The following XPOT variants were observed in gnomAD, a reference collection of about 807,000 sequenced individuals.
XPOT encodes exportin for tRNA, also known as exportin-T.
A neutral mutation model predicts 128.2 loss-of-function variants in XPOT; 34 were observed. That is an observed-to-expected ratio of 0.27 (90% CI 0.20 to 0.35). The LOEUF is 0.35. Among genes scored for constraint, XPOT ranks in the 10% least tolerant of loss-of-function variants. The pLI, the probability that XPOT is intolerant of heterozygous loss-of-function variation, is 1.00. For synonymous variants in XPOT, 348 were observed against 394.3 expected (o/e 0.88, Z 1.39); for missense variants, 838 against 1,125.3 (o/e 0.74, Z 3.65).
intron 8 of XPOT, among the ~76,000 whole-genome samples, chr12:64,420,729 T>G (rs1227734108): frequency 6.6e-6 from 1 of 152,232 alleles, no homozygotes; most frequent in Non-Finnish European, 1.5e-5. Context: ...CCTGAAAGCC[T>G]GTAATTGCAC....
chr12:64,426,464 C>G (rs2040193692), intron 15 of XPOT, among the ~76,000 whole-genome samples: 1 of 152,102 alleles, frequency 6.6e-6, no homozygotes, highest in Non-Finnish European at 1.5e-5. Context: ...GCCACATGTT[C>G]TCACTTATAA....
intron 3 of XPOT, among the ~76,000 whole-genome samples, chr12:64,416,393 A>G (rs1844422923): frequency 1.3e-5 from 2 of 152,246 alleles, no homozygotes; most frequent in African/African-American, 2.4e-5. Flanking sequence ...AGGAATCTTA[A>G]TATCTGGAAT....
At chr12:64,435,719 GTAT>G (rs1421347657) in intron 22 of XPOT, 45 bp downstream of exon 22, 6 of 1,534,776 alleles carry the variant, frequency 3.9e-6, no homozygotes, top group Admixed American at 4.0e-5. Flanking sequence ...CTCACATGTG[GTAT>G]TATTATCTTG....
At chr12:64,444,784 ATAAGTTT>A (rs1191515284) in intron 23 of XPOT, among the ~76,000 whole-genome samples, 1 of 152,112 alleles carries the variant, frequency 6.6e-6, no homozygotes, top group Non-Finnish European at 1.5e-5. Flanking sequence ...GGTTAAGGTG[ATAAGTTT>A]TAAGTGTTTT....
chr12:64,409,651 C>T (rs151227099), intron 1 of XPOT: 7 of 167,294 alleles, frequency 4.2e-5, no homozygotes, highest in African/African-American at 1.2e-4. Context: ...AGGAGAATGG[C>T]GTGAACCTGG....
In XPOT at chr12:64,410,061, T is replaced by C. The variant is rs1432397753; in HGVS notation, c.26T>C (p.Leu9Pro). Residue 9 changes from leucine (L) to proline (P), a missense_variant, in exon 2 of 25, where the codon CTA becomes CCA. Transcript: ENST00000332707. ...ATGGATGAACAGGCTCTATTAGGGC[T>C]AAATCCAAATGCTGATTCAGACTTT... is the stretch of plus-strand genomic sequence containing the variant. The part of the protein sequence containing the change: MDEQALLG[L>P]NPNADSDFRQ... 1.9e-6 allele frequency: 3 copies of C among 1,613,944 alleles called. No individual in the cohort carries two copies. The highest frequency in any genetic ancestry group is 1.7e-5 in the Admixed American group (1 of 60,022).
intron 16 of XPOT, among the ~76,000 whole-genome samples, 195 bp downstream of exon 16, chr12:64,428,315 A>T (rs1157058997): frequency 2.6e-5 from 4 of 152,188 alleles, no homozygotes; most frequent in Non-Finnish European, 4.4e-5. Context: ...GAGTTGACAG[A>T]TCAATTTGGC....
intron 24 of XPOT, among the ~76,000 whole-genome samples, chr12:64,445,762 G>A (rs947666203): frequency 6.6e-5 from 10 of 152,166 alleles, no homozygotes; most frequent in Non-Finnish European, 1.2e-4. Flanking sequence ...CCCATAAGGA[G>A]CTCATGATCT....
intron 23 of XPOT, among the ~76,000 whole-genome samples, chr12:64,442,123 ATCTTTTTCTT>A (rs1483277449): frequency 6.6e-6 from 1 of 151,326 alleles, no homozygotes; most frequent in African/African-American, 2.4e-5. Flanking sequence ...CAGAGTCGTC[ATCTTTTTCTT>A]TCTTTTTGAG....
chr12:64,435,653 G>T lies in XPOT; in HGVS notation c.2712G>T (p.Leu904=). The change falls in exon 22 of 25, where the codon CTG becomes CTT. Residue 904 remains leucine (L), a synonymous_variant. Transcript: ENST00000332707. ...CTTTATCTGAGTGTGCAGTGACACT[G>T]AAAACAATTCATCTCAAACGGGTAA... ...VLALSECAVT[L]KTIHLKRGPE... 6.3e-7 allele frequency: 1 copy of T among 1,599,874 alleles called. No individual in the cohort carries two copies. Among genetic ancestry groups the T allele is most frequent in the Non-Finnish European group, 8.5e-7 (1 of 1,171,542 alleles).
At chr12:64,422,390 A>G (rs981506199) in intron 9 of XPOT, among the ~76,000 whole-genome samples, 8 of 152,164 alleles carry the variant, frequency 5.3e-5, no homozygotes, top group African/African-American at 1.9e-4. Context: ...TATGATCACT[A>G]TTGGTAATTC....
rs13377663 is a variant in XPOT, at chr12:64,425,687, C to T, written c.1573-128C>T. ...TGTTTGTGTGTAGTTTAGAATTACT[C>T]GTATATTCCTAGTCCCTGCCTTTTA... is the stretch of plus-strand genomic sequence containing the variant. On this transcript the variant is annotated intron_variant, in intron 14 of 24. Coordinates refer to ENST00000332707, the MANE Select transcript of XPOT (RefSeq NM_007235.6). 4.3e-4 allele frequency: 438 copies of T among 1,014,442 alleles called. 8 individuals are homozygous for T. The South Asian group carries it at 5.7e-3, about 13-fold the overall frequency. 62.8% of individuals were successfully genotyped at this position (1,014,442 alleles called of 1,614,324 possible).
At chr12:64,439,219 G>A (rs779609879) in intron 22 of XPOT, 25 bp from the exon 23 acceptor site, 9 of 1,606,180 alleles carry the variant, frequency 5.6e-6, no homozygotes, top group Non-Finnish European at 7.7e-6. Context: ...CAAGAAAATA[G>A]TTGTAAGTAT....
chr12:64,439,406 T>C (rs1275197662), intron 23 of XPOT, 91 bp downstream of exon 23: 16 of 1,175,266 alleles, frequency 1.4e-5, no homozygotes, highest in Non-Finnish European at 2.0e-5. Flanking sequence ...ATCAAAAATA[T>C]TTTCATATTA....
rs1028822166 is a variant in XPOT, at chr12:64,408,406, C to A, written c.-74-1556C>A. 1.9e-4 allele frequency among the ~76,000 whole-genome samples: 29 copies of A among 152,108 alleles called. 1 individual carries two copies. The highest frequency in any genetic ancestry group is 6.5e-5 in the Admixed American group (1 of 15,274). ...TACAGGCATGAGCCAGCACGCCTGG[C>A]CCCCCACAGCGTTTAATGGAAGTAG... On this transcript the variant is annotated intron_variant, in intron 1 of 24. Coordinates refer to ENST00000332707, the MANE Select transcript of XPOT (RefSeq NM_007235.6).
chr12:64,411,985 C>T lies in XPOT; in HGVS notation c.60+1890C>T, dbSNP rs115414034. 5.3e-3 allele frequency among the ~76,000 whole-genome samples: 794 copies of T among 150,850 alleles called. 10 individuals are homozygous for T. Among genetic ancestry groups the T allele is most frequent in the African/African-American group, 0.018 (722 of 41,170 alleles). ...TTTGTTTAAAAACTAAAAACTTCCA[C>T]GTTATCTCTCCTCTCCTTCCTCTCA... is the stretch of plus-strand genomic sequence containing the variant. On this transcript the variant is annotated intron_variant, in intron 2 of 24. Coordinates refer to ENST00000332707, the MANE Select transcript of XPOT (RefSeq NM_007235.6).
chr12:64,418,863 C>G lies in XPOT; in HGVS notation c.271-13C>G, dbSNP rs1187411175. ...TTACATTTAATTTTATGGACTGTTT[C>G]TCTGTTTGTCAGATGCTGAATCCCC... On this transcript the variant is annotated splice_polypyrimidine_tract_variant and intron_variant, in intron 5 of 24. Transcript: ENST00000332707. 1.2e-6 allele frequency: 2 copies of G among 1,611,226 alleles called. No homozygotes were observed. The highest frequency in any genetic ancestry group is 1.7e-4 in the Middle Eastern group (1 of 6,038).
At chr12:64,407,520 T>C (rs1044222216) in intron 1 of XPOT, among the ~76,000 whole-genome samples, 3 of 150,846 alleles carry the variant, frequency 2.0e-5, no homozygotes, top group African/African-American at 7.3e-5. Context: ...AGAAAACTAG[T>C]AAGCTGGCAG....
rs1292918349 is a variant in XPOT, at chr12:64,449,568, T to C, written c.*1437T>C. The C allele has an allele frequency of 6.6e-6, 1 of 152,242 alleles. No homozygotes were observed. Among genetic ancestry groups the C allele is most frequent in the African/African-American group, 2.4e-5 (1 of 41,470 alleles). The allele number at this position is 152,242 out of a possible 1,614,324, so 9.4% of individuals were successfully genotyped here. A position where few individuals can be genotyped will look rare whatever the true frequency, so the allele number is the denominator to read the frequency against. ...TTCATGAATGGGCTTCAGTGGCTTA[T>C]AAACTCTGTAAAATTCTATTCTAAA... On this transcript the variant is annotated 3_prime_UTR_variant, in exon 25 of 25. Coordinates refer to ENST00000332707, the MANE Select transcript of XPOT (RefSeq NM_007235.6).
Sources: allele counts gnomAD v4.1 joint callset (sites outside exome capture counted in the v4.1 genomes callset), GRCh38; gene constraint gnomAD v4.1.1; transcripts MANE v1.5; gene names NCBI Gene and HGNC (gene_info 2026-07-23, HGNC 2026-07-21).